Variants in PIK3AP1 observed in about 807,000 individuals in gnomAD.
PIK3AP1 encodes the protein phosphoinositide-3-kinase adaptor protein 1, also known as phosphoinositide 3-kinase adapter protein 1.
Under a neutral mutation model 88.1 loss-of-function variants are expected in PIK3AP1, and 21 were observed. The observed-to-expected ratio is 0.24, with a 90% CI of 0.17 to 0.34. PIK3AP1 has a LOEUF of 0.34. Ranked by LOEUF, PIK3AP1 falls within the 10% of genes least tolerant of loss-of-function variation. The pLI is 1.00. For missense variants in PIK3AP1, 828 were observed against 1,035.7 expected, an observed-to-expected ratio of 0.80 and a Z score of 2.75; for synonymous variants, 398 against 400.0, an observed-to-expected ratio of 1.00 and a Z score of 0.06.
intron 7 of PIK3AP1, among the ~76,000 whole-genome samples, chr10:96,645,973 C>A (rs1007741276): frequency 1.3e-5 from 2 of 152,136 alleles, no homozygotes; most frequent in Non-Finnish European, 2.9e-5. Flanking sequence ...AAATTACTTT[C>A]CCATGGCCTG....
chr10:96,696,334 TG>T (rs1844221437), intron 2 of PIK3AP1, among the ~76,000 whole-genome samples: 2 of 152,260 alleles, frequency 1.3e-5, no homozygotes, highest in South Asian at 4.1e-4. Flanking sequence ...GAAAACCAAC[TG>T]TCCTATTTCA....
chr10:96,653,442 A>C (rs1001286099), intron 3 of PIK3AP1, among the ~76,000 whole-genome samples: 12 of 148,484 alleles, frequency 8.1e-5, no homozygotes, highest in African/African-American at 1.2e-4. Flanking sequence ...ACAAAACAAA[A>C]CAAACAAAAA....
At chr10:96,674,952 C>T (rs149516511) in intron 2 of PIK3AP1, among the ~76,000 whole-genome samples, 111 of 152,324 alleles carry the variant, frequency 7.3e-4, no homozygotes, top group African/African-American at 2.5e-3. Flanking sequence ...GAATGCAGTT[C>T]TGCAATCACG....
At chr10:96,711,739 A>ATTTTTT (rs763923650) in intron 1 of PIK3AP1, among the ~76,000 whole-genome samples, 4,768 of 66,416 alleles carry the variant, frequency 0.072, 704 homozygotes, top group South Asian at 0.091. Flanking sequence ...AGATTACCAA[A>ATTTTTT]TTTTTTTTTT....
At chr10:96,717,264 A>G in intron 1 of PIK3AP1, among the ~76,000 whole-genome samples, 1 of 151,822 alleles carries the variant, frequency 6.6e-6, no homozygotes, top group East Asian at 1.9e-4. Flanking sequence ...TCTCAAAAAA[A>G]AAAAAAAAAA....
chr10:96,638,725 C>A (rs1272558102), intron 8 of PIK3AP1, among the ~76,000 whole-genome samples: 1 of 152,164 alleles, frequency 6.6e-6, no homozygotes, highest in Non-Finnish European at 1.5e-5. Flanking sequence ...CACGCGGTAG[C>A]CCACCTGAAC....
intron 14 of PIK3AP1, among the ~76,000 whole-genome samples, chr10:96,606,110 CAT>C (rs1289042911): frequency 1.3e-5 from 2 of 151,936 alleles, no homozygotes; most frequent in Non-Finnish European, 2.9e-5. Flanking sequence ...CAAAAAGGAA[CAT>C]GTGATCCTGT....
At chr10:96,711,738 A>ATTTTT (rs1564992486) in intron 1 of PIK3AP1, among the ~76,000 whole-genome samples, 5 of 93,990 alleles carry the variant, frequency 5.3e-5, no homozygotes, top group South Asian at 3.6e-4. Flanking sequence ...GAGATTACCA[A>ATTTTT]ATTTTTTTTT....
chr10:96,715,176 C>T (rs1844486213), intron 1 of PIK3AP1, among the ~76,000 whole-genome samples: 1 of 152,202 alleles, frequency 6.6e-6, no homozygotes, highest in Admixed American at 6.5e-5. Context: ...CCCTGAAACC[C>T]AGCACCCTGG....
rs185076946 is a variant in PIK3AP1, at chr10:96,688,614, C to T, written c.430+20953G>A. On this transcript the variant is annotated intron_variant, in intron 2 of 16. Coordinates refer to ENST00000339364, the MANE Select transcript of PIK3AP1 (RefSeq NM_152309.3). ...AGGAGTTCGAGACCAGCCTGGCCAACATGGTGAAATCCCATCTCTACTAAA... is the reference window on the plus strand; with the variant it reads ...AGGAGTTCGAGACCAGCCTGGCCAATATGGTGAAATCCCATCTCTACTAAA... Among the ~76,000 whole-genome samples, 460 of 152,214 alleles carry T rather than the reference C, an allele frequency of 3.0e-3. 6 individuals are homozygous for T. Among genetic ancestry groups the T allele is most frequent in the Middle Eastern group, 0.02 (6 of 294 alleles).
chr10:96,656,396 G>A (rs1263034636), intron 3 of PIK3AP1, among the ~76,000 whole-genome samples: 2 of 152,184 alleles, frequency 1.3e-5, no homozygotes, highest in Admixed American at 1.3e-4. Flanking sequence ...CCATGGCAGT[G>A]GCCAGTGATG....
In PIK3AP1 at chr10:96,718,451, A is replaced by G. The variant is rs1024553103; in HGVS notation, c.13+1931T>C. Among the ~76,000 whole-genome samples, 8 of 152,180 alleles carry G rather than the reference A, an allele frequency of 5.3e-5. No individual in the cohort carries two copies. The South Asian group carries it at 6.2e-4, about 12-fold the overall frequency. ...ATGGGTCCTTGTACTTCCAAACCTC[A>G]GGGAACCCGAGGGACTCCAGAGACC... On this transcript the variant is annotated intron_variant, in intron 1 of 16. Transcript: ENST00000339364.
intron 7 of PIK3AP1, among the ~76,000 whole-genome samples, chr10:96,647,548 G>A (rs747616352): frequency 9.9e-5 from 15 of 152,114 alleles, no homozygotes; most frequent in Non-Finnish European, 1.9e-4. Context: ...CCCAGACTGA[G>A]AGCACCTTTT....
chr10:96,693,531 A>G (rs1176340959), intron 2 of PIK3AP1, among the ~76,000 whole-genome samples: 1 of 152,208 alleles, frequency 6.6e-6, no homozygotes, highest in Non-Finnish European at 1.5e-5. Context: ...TCTCCAGATA[A>G]GCTGACAAAT....
At chr10:96,632,141 A>T (rs1303784378) in intron 8 of PIK3AP1, among the ~76,000 whole-genome samples, 1 of 152,224 alleles carries the variant, frequency 6.6e-6, no homozygotes, top group Non-Finnish European at 1.5e-5. Flanking sequence ...AACTGCTGCA[A>T]ACCGAAGGAG....
intron 14 of PIK3AP1, among the ~76,000 whole-genome samples, chr10:96,605,941 G>T (rs1342241414): frequency 3.3e-5 from 5 of 152,106 alleles, no homozygotes; most frequent in Admixed American, 6.6e-5. Context: ...AAAATTAGCT[G>T]GGCGTGGTCG....
rs941060890 is a variant in PIK3AP1, at chr10:96,682,621, T to C, written c.431-25687A>G. On this transcript the variant is annotated intron_variant, in intron 2 of 16. Coordinates refer to ENST00000339364, the MANE Select transcript of PIK3AP1 (RefSeq NM_152309.3). The stretch of plus-strand genomic sequence containing the variant: ...ACTGATACCTGGGTGTGGAGCGAGC[T>C]GCATGTGACCCCGTCATTCTTTTTT... Among the ~76,000 whole-genome samples the C allele has an allele frequency of 3.9e-5, 6 of 152,214 alleles. No individual in the cohort carries two copies. The East Asian group carries it at 1.2e-3, about 29-fold the overall frequency.
At chr10:96,605,264 C>T (rs1848983458) in intron 14 of PIK3AP1, among the ~76,000 whole-genome samples, 1 of 152,142 alleles carries the variant, frequency 6.6e-6, no homozygotes, top group South Asian at 2.1e-4. Context: ...TTAGCATCAT[C>T]CAATAGAACT....
rs573854963 is a variant in PIK3AP1 at position 96,594,595 on chromosome 10, G to A, written c.*982C>T. 2.0e-5 allele frequency: 3 copies of A among 152,150 alleles called. No homozygotes were observed. Among genetic ancestry groups the A allele is most frequent in the South Asian group, 2.1e-4 (1 of 4,818 alleles). 9.4% of individuals were successfully genotyped at this position (152,150 alleles called of 1,614,324 possible). On this transcript the variant is annotated 3_prime_UTR_variant, in exon 17 of 17. Coordinates refer to ENST00000339364, the MANE Select transcript of PIK3AP1 (RefSeq NM_152309.3). The surrounding 1 kb of genome is among the most constrained non-coding windows in gnomAD (Gnocchi z 4.6). Reference sequence around the variant, plus strand: ...GTTTTTCCTCCTCAGAAGCCTCAACGAAGAAAAAGTCAAAGGTCCTTCTCT... The same window carrying A: ...GTTTTTCCTCCTCAGAAGCCTCAACAAAGAAAAAGTCAAAGGTCCTTCTCT...
Sources: gnomAD v4.1 joint callset for allele counts (sites outside exome capture counted in the v4.1 genomes callset) on GRCh38, gnomAD v4.1.1 for gene constraint, Gnocchi (gnomAD v3.1) non-coding constraint, MANE v1.5 for transcripts, NCBI Gene and HGNC (gene_info 2026-07-23, HGNC 2026-07-21) for gene names.